The following MTSS1 variants were observed in gnomAD, a reference collection of about 807,000 sequenced individuals.
MTSS1 encodes the protein protein MTSS 1.
A neutral mutation model predicts 79.0 loss-of-function variants in MTSS1; 18 were observed. The observed-to-expected ratio is 0.23, with a 90% CI of 0.16 to 0.34. MTSS1 has a LOEUF of 0.34. MTSS1 is among the 10% of genes least tolerant of loss of function. MTSS1 has a pLI of 1.00. For missense variants in MTSS1, 815 were observed against 986.2 expected (o/e 0.83, Z 2.33); for synonymous variants, 341 against 368.6 (o/e 0.93, Z 0.86).
chr8:124,589,550 G>A (rs1259946542), intron 5 of MTSS1, 70 bp downstream of exon 5: 2 of 1,257,238 alleles, frequency 1.6e-6, no homozygotes, highest in African/African-American at 1.5e-5. Flanking sequence ...AGAGGGGCCA[G>A]GCAGCAGCTG....
intron 3 of MTSS1, among the ~76,000 whole-genome samples, chr8:124,664,729 A>G (rs146946779): frequency 3.7e-4 from 56 of 152,314 alleles, no homozygotes; most frequent in African/African-American, 1.2e-3. Flanking sequence ...ATCAAGTCAT[A>G]GTTGCTTCAG....
intron 3 of MTSS1, among the ~76,000 whole-genome samples, chr8:124,643,722 A>C (rs77889045): frequency 6.4e-5 from 9 of 140,832 alleles, no homozygotes; most frequent in South Asian, 2.3e-4. Flanking sequence ...AAAAAAAAAA[A>C]CCACGAAAAT....
intron 3 of MTSS1, among the ~76,000 whole-genome samples, chr8:124,629,820 G>A (rs1158628821): frequency 6.6e-6 from 1 of 152,106 alleles, no homozygotes; most frequent in Non-Finnish European, 1.5e-5. Context: ...AAGAACCAGG[G>A]GCCTTTCCAA....
intron 3 of MTSS1, among the ~76,000 whole-genome samples, chr8:124,592,068 G>A (rs1433119750): frequency 6.6e-6 from 1 of 152,162 alleles, no homozygotes; most frequent in Non-Finnish European, 1.5e-5. Context: ...TTACAGGCGT[G>A]AGCCACCATG....
chr8:124,717,170 C>A (rs577151357), intron 1 of MTSS1, among the ~76,000 whole-genome samples: 2 of 152,190 alleles, frequency 1.3e-5, no homozygotes, highest in Admixed American at 1.3e-4. Context: ...ACCTCCTCTG[C>A]GAGGCCCGCC....
Position 124,597,916 on chromosome 8 carries a change from G to A in MTSS1, c.209-6681C>T, listed in dbSNP as rs780238333. On this transcript the variant is annotated intron_variant, in intron 3 of 13. Coordinates refer to ENST00000518547, the MANE Select transcript of MTSS1 (RefSeq NM_014751.6). The surrounding 1 kb of genome is among the most constrained non-coding windows in gnomAD (Gnocchi z 4.6). ...GGGTGCAGGGCAGGAGAGTTCACTA[G>A]AGTGGGGTATCTCGGCCTCAGCCCT... Among the ~76,000 whole-genome samples, 17 of 152,232 alleles carry A rather than the reference G, an allele frequency of 1.1e-4. No homozygotes were observed. The highest frequency in any genetic ancestry group is 2.1e-4 in the Non-Finnish European group (14 of 68,042).
rs139510273 is a variant in MTSS1, at chr8:124,666,478, T to TA, written c.208+33047dup. ...AGGAACAAAGACAAAGGAACAAAGA[T>TA]ATAAGAGAAAATGGCACAAGCCACG... On this transcript the variant is annotated intron_variant, in intron 3 of 13. Coordinates refer to ENST00000518547, the MANE Select transcript of MTSS1 (RefSeq NM_014751.6). Among the ~76,000 whole-genome samples, 126 of 151,574 alleles carry TA rather than the reference T, an allele frequency of 8.3e-4. 2 individuals are homozygous for TA. The highest frequency in any genetic ancestry group is 3.0e-3 in the African/African-American group (124 of 40,958).
At chr8:124,577,502 G>A in intron 6 of MTSS1, 1 of 503,456 alleles carries the variant, frequency 2.0e-6, no homozygotes, top group Non-Finnish European at 4.0e-6. Context: ...CTCCCAAAGT[G>A]CTGGGATTAC....
At chr8:124,671,723 A>C (rs1339481793) in intron 3 of MTSS1, among the ~76,000 whole-genome samples, 1 of 152,212 alleles carries the variant, frequency 6.6e-6, no homozygotes. Flanking sequence ...TCTTGACAAC[A>C]GAACAACACC....
rs565218852 is a variant in MTSS1 at position 124,679,174 on chromosome 8, C to T, written c.208+20352G>A. On this transcript the variant is annotated intron_variant, in intron 3 of 13. Coordinates refer to ENST00000518547, the MANE Select transcript of MTSS1 (RefSeq NM_014751.6). ...TCCTTTAGCTAAGAAGTAAGCCAAG[C>T]CTAGTGCTGGCATCTCAACTTGGGT... is the stretch of plus-strand genomic sequence containing the variant. 9.2e-5 allele frequency among the ~76,000 whole-genome samples: 14 copies of T among 152,338 alleles called. No individual in the cohort carries two copies. In the South Asian group the frequency reaches 2.3e-3, roughly 25 times the overall value.
intron 11 of MTSS1, 50 bp downstream of exon 11, chr8:124,557,631 G>A (rs985551044): frequency 1.3e-6 from 2 of 1,491,316 alleles, no homozygotes; most frequent in East Asian, 2.5e-5. Flanking sequence ...CAGAAGAGGG[G>A]TGAGCACAGA....
intron 3 of MTSS1, among the ~76,000 whole-genome samples, chr8:124,680,775 C>T (rs1022369191): frequency 3.9e-5 from 6 of 152,076 alleles, no homozygotes; most frequent in Admixed American, 1.3e-4. Flanking sequence ...TCTATAGGTA[C>T]GAATGAAGGA....
At chr8:124,577,648 C>T (rs1201805270) in intron 6 of MTSS1, 1 of 518,450 alleles carries the variant, frequency 1.9e-6, no homozygotes, top group Non-Finnish European at 3.9e-6. Flanking sequence ...TGCTTCCACC[C>T]AGACAGAAGG....
chr8:124,653,524 G>A (rs1462513158), intron 3 of MTSS1, among the ~76,000 whole-genome samples: 1 of 152,192 alleles, frequency 6.6e-6, no homozygotes, highest in Admixed American at 6.5e-5. Context: ...AGGAATTCGA[G>A]ACCAGCCTGA....
At chr8:124,615,501 G>A (rs1006144781) in intron 3 of MTSS1, among the ~76,000 whole-genome samples, 5 of 152,146 alleles carry the variant, frequency 3.3e-5, no homozygotes, top group African/African-American at 9.7e-5. Context: ...CCACTTCCAC[G>A]AGGTGTCTAG....
chr8:124,663,156 TG>T (rs2134426633), intron 3 of MTSS1, among the ~76,000 whole-genome samples: 1 of 152,264 alleles, frequency 6.6e-6, no homozygotes, highest in East Asian at 1.9e-4. Flanking sequence ...CCTGCACACG[TG>T]TCTCTAGGAA....
At position 124,562,857 on chromosome 8, in the gene MTSS1, A is replaced by G. The variant is rs1825635171; in HGVS notation, c.960T>C (p.His320=). The G allele has an allele frequency of 1.9e-6, 3 of 1,614,148 alleles. No individual in the cohort carries two copies. The highest frequency in any genetic ancestry group is 1.1e-5 in the South Asian group (1 of 91,082). ...APVRLSSVSS[H]DSGFISQDAF... is the part of the protein sequence containing the mutation. ...CATCCTGGGATATGAATCCTGAGTC[A>G]TGGGAGGACACGCTGGACAGCCTCA... Residue 320 remains histidine, a synonymous_variant, in exon 10 of 14, where the codon CAT becomes CAC. Coordinates refer to ENST00000518547, the MANE Select transcript of MTSS1 (RefSeq NM_014751.6).
intron 1 of MTSS1, among the ~76,000 whole-genome samples, chr8:124,722,211 C>G (rs7813709): frequency 0.18 from 27,160 of 152,072 alleles, 2,838 homozygotes; most frequent in Admixed American, 0.35. Context: ...AGAGGCAGCA[C>G]AGGAAGGAGT....
At chr8:124,621,707 C>T (rs1813547417) in intron 3 of MTSS1, among the ~76,000 whole-genome samples, 1 of 152,124 alleles carries the variant, frequency 6.6e-6, no homozygotes, top group African/African-American at 2.4e-5. Flanking sequence ...CGCCACCACA[C>T]CTAGCTAGTT....
Sources: allele counts gnomAD v4.1 joint callset (sites outside exome capture counted in the v4.1 genomes callset), GRCh38; gene constraint gnomAD v4.1.1; non-coding constraint Gnocchi (gnomAD v3.1); transcripts MANE v1.5; gene names NCBI Gene and HGNC (gene_info 2026-07-23, HGNC 2026-07-21).